The following SHISA5 variants were observed in gnomAD, a reference collection of about 807,000 sequenced individuals.
The protein encoded by SHISA5 is protein shisa-5.
SHISA5 carries 21 observed loss-of-function variants against 27.5 expected under a neutral mutation model. That is an observed-to-expected ratio of 0.76 (90% CI 0.54 to 1.10). The LOEUF is 1.10. Ranked by LOEUF, SHISA5 falls within the 50% of genes least tolerant of loss-of-function variation. SHISA5 has a pLI of 0.00. For synonymous variants in SHISA5, 137 were observed against 142.2 expected (o/e 0.96, Z 0.26); for missense variants, 314 against 336.3 (o/e 0.93, Z 0.52).
intron 1 of SHISA5, chr3:48,503,787 GGACA>G (rs1274055903): frequency 1.2e-5 from 15 of 1,255,800 alleles, no homozygotes; most frequent in Non-Finnish European, 1.5e-5. Context: ...CACCGTTCCA[GGACA>G]GACAAAGGTG....
chr3:48,478,863 A>G (rs1217984071), intron 3 of SHISA5, among the ~76,000 whole-genome samples: 1 of 150,932 alleles, frequency 6.6e-6, no homozygotes, highest in South Asian at 2.1e-4. Context: ...CTTCTCTGTC[A>G]CTCCTGCCCC....
chr3:48,476,492 T>C (rs1174286274), intron 3 of SHISA5, among the ~76,000 whole-genome samples: 1 of 152,212 alleles, frequency 6.6e-6, no homozygotes, highest in Non-Finnish European at 1.5e-5. Flanking sequence ...TGGCTTCTCC[T>C]GAGCTCCTGG....
chr3:48,482,298 AG>A (rs2041050443), intron 2 of SHISA5, among the ~76,000 whole-genome samples: 1 of 150,838 alleles, frequency 6.6e-6, no homozygotes, highest in African/African-American at 2.4e-5. Flanking sequence ...CCAGCTACTC[AG>A]GAGGCTTAGG....
At chr3:48,479,905 GTTT>G (rs35955467) in intron 2 of SHISA5, among the ~76,000 whole-genome samples, 1 of 122,096 alleles carries the variant, frequency 8.2e-6, no homozygotes. Context: ...TTTCCACAAA[GTTT>G]TTTTTTTTTT....
At chr3:48,476,908 C>A in intron 3 of SHISA5, 1 of 357,432 alleles carries the variant, frequency 2.8e-6, no homozygotes, top group South Asian at 2.1e-5. Flanking sequence ...CAGTGCTATG[C>A]ACACCACGGC....
In SHISA5 at chr3:48,473,406, C is replaced by A. The variant is rs1292325645; in HGVS notation, c.315-3563G>T. 5 of 1,313,000 alleles carry A rather than the reference C, an allele frequency of 3.8e-6. No individual in the cohort carries two copies. The African/African-American group carries it at 4.5e-5, about 12-fold the overall frequency. 81.3% of individuals were successfully genotyped at this position (1,313,000 alleles called of 1,614,324 possible). ...CCAACCACACTCTAGCTCAGCAGCA[C>A]CCCCACCCCCACTTCCACCTAACCC... On this transcript the variant is annotated intron_variant, in intron 3 of 5. Coordinates refer to ENST00000296444, the MANE Select transcript of SHISA5 (RefSeq NM_016479.6). The surrounding 1 kb of genome is among the most constrained non-coding windows in gnomAD (Gnocchi z 4.3).
At chr3:48,492,066 T>C (rs2041444818) in intron 2 of SHISA5, among the ~76,000 whole-genome samples, 1 of 143,196 alleles carries the variant, frequency 7.0e-6, no homozygotes. Context: ...CTGGAATGAG[T>C]TAAGACTGCT....
At position 48,504,045 on chromosome 3, in the gene SHISA5, A is replaced by C. The variant is rs915683385; in HGVS notation, c.50T>G (p.Leu17Arg). 5 of 1,462,228 alleles carry C rather than the reference A, an allele frequency of 3.4e-6. No individual in the cohort carries two copies. Among genetic ancestry groups the C allele is most frequent in the South Asian group, 1.3e-5 (1 of 75,530 alleles). The allele number at this position is 1,462,228 out of a possible 1,614,324, so 90.6% of individuals were successfully genotyped here. A position where few individuals can be genotyped will look rare whatever the true frequency, so the allele number is the denominator to read the frequency against. Residue 17 changes from leucine to arginine, a missense_variant, in exon 1 of 6, where the codon CTG (leucine) becomes CGG (arginine). By Grantham distance (102) the Leu-to-Arg change is moderately radical (BLOSUM62 -2). Transcript: ENST00000296444. The surrounding 1 kb of genome is among the most constrained non-coding windows in gnomAD (Gnocchi z 4.0). ...ACCCGGAGGCGGCGTTAGCAGCAGC[A>C]GCAACAGCAACGGCAACAGGATCCG... ...APRILLPLLL[L>R]LLLTPPPGAR... is the part of the protein sequence containing the mutation.
chr3:48,481,476 T>TAAAATAAAATAAAATAAAATAAAA (rs2041011810), intron 2 of SHISA5, among the ~76,000 whole-genome samples: 4 of 150,652 alleles, frequency 2.7e-5, no homozygotes, highest in Non-Finnish European at 4.4e-5. Flanking sequence ...TAAAATAAAC[T>TAAAATAAAATAAAATAAAATAAAA]CAAGATGATT....
Position 48,486,780 on chromosome 3 carries a change from C to T in SHISA5, c.234-7523G>A, listed in dbSNP as rs1406668480. 2.1e-4 allele frequency among the ~76,000 whole-genome samples: 32 copies of T among 149,296 alleles called. 1 individual carries two copies. The highest frequency in any genetic ancestry group is 2.1e-3 in the Admixed American group (31 of 14,770). ...AATAAAAATTTGCCAGGCATGGTGG[C>T]GCATGCCTGTAATCCCTGCAATGCC... On this transcript the variant is annotated intron_variant, in intron 2 of 5. Transcript: ENST00000296444.
chr3:48,496,135 T>G (rs1434724597), intron 2 of SHISA5, among the ~76,000 whole-genome samples: 1 of 106,364 alleles, frequency 9.4e-6, no homozygotes, highest in Non-Finnish European at 1.8e-5. Context: ...AAAAAAAAAA[T>G]GCAAAGATTA....
In SHISA5 at chr3:48,469,982, C is replaced by G; in HGVS notation, c.315-139G>C. 1 of 1,139,074 alleles carries G rather than the reference C, an allele frequency of 8.8e-7. No individual in the cohort carries two copies. The highest frequency in any genetic ancestry group is 1.6e-5 in the African/African-American group (1 of 64,158). 70.6% of individuals were successfully genotyped at this position (1,139,074 alleles called of 1,614,324 possible). On this transcript the variant is annotated intron_variant, in intron 3 of 5. Coordinates refer to ENST00000296444, the MANE Select transcript of SHISA5 (RefSeq NM_016479.6). This position sits in a 1 kb window ranked among gnomAD's most constrained non-coding sequence, Gnocchi z 4.6. ...CTACTTCCTTGTCGGGTGGCCTGCA[C>G]CTGTTTCAATCTGTTTCCTCTTGTG...
At position 48,479,873 on chromosome 3, in the gene SHISA5, T is replaced by G. The variant is rs780811892; in HGVS notation, c.234-616A>C. On this transcript the variant is annotated intron_variant, in intron 2 of 5. Transcript: ENST00000296444. ...CCCAAAGTGCTGGGATTACAGGCGT[T>G]AGCCACCACACCTGGCCTACATTTC... Among the ~76,000 whole-genome samples, 687 of 139,256 alleles carry G rather than the reference T, an allele frequency of 4.9e-3. 2 individuals are homozygous for G. Among genetic ancestry groups the G allele is most frequent in the Middle Eastern group, 9.7e-3 (2 of 206 alleles). 91.4% of individuals were successfully genotyped at this position (139,256 alleles called of 152,430 possible). A position where few individuals can be genotyped will look rare whatever the true frequency, so the allele number is the denominator to read the frequency against.
intron 2 of SHISA5, among the ~76,000 whole-genome samples, chr3:48,486,583 T>G (rs956405928): frequency 7.7e-5 from 10 of 129,898 alleles, no homozygotes; most frequent in South Asian, 2.1e-4. Flanking sequence ...ATATATTATA[T>G]ATTATATATA....
intron 2 of SHISA5, among the ~76,000 whole-genome samples, chr3:48,491,616 C>T (rs1162959387): frequency 6.6e-6 from 1 of 151,982 alleles, no homozygotes; most frequent in African/African-American, 2.4e-5. Context: ...GTTGACAGCA[C>T]CTATCACTTC....
intron 2 of SHISA5, among the ~76,000 whole-genome samples, chr3:48,486,314 T>C (rs1317399083): frequency 6.5e-5 from 6 of 91,722 alleles, no homozygotes; most frequent in Non-Finnish European, 9.3e-5. Flanking sequence ...TTATATAATA[T>C]ATAATACATT....
chr3:48,484,147 G>A (rs755297747), intron 2 of SHISA5, among the ~76,000 whole-genome samples: 11 of 152,312 alleles, frequency 7.2e-5, no homozygotes, highest in Admixed American at 5.2e-4. Flanking sequence ...GTGGGTGATG[G>A]ATGCATTGAG....
rs1166888770 is a variant in SHISA5 at position 48,468,600 on chromosome 3, C to T, written c.*507G>A. ...ATCCCAAGCTTCGCCTGCATCATGT[C>T]CCTGGCTCTGCAACGGGTACCCCCA... On this transcript the variant is annotated 3_prime_UTR_variant, in exon 6 of 6. Transcript: ENST00000296444. 1.7e-6 allele frequency: 2 copies of T among 1,194,368 alleles called. No homozygotes were observed. Among genetic ancestry groups the T allele is most frequent in the African/African-American group, 3.2e-5 (2 of 62,594 alleles). 74.0% of individuals were successfully genotyped at this position (1,194,368 alleles called of 1,614,324 possible).
intron 3 of SHISA5, chr3:48,472,894 C>A (rs1031089946): frequency 3.7e-6 from 4 of 1,082,832 alleles, no homozygotes; most frequent in Non-Finnish European, 5.4e-6. Context: ...AATGGAGAAA[C>A]GCACACACAT....
Sources: allele counts gnomAD v4.1 joint callset (sites outside exome capture counted in the v4.1 genomes callset), GRCh38; gene constraint gnomAD v4.1.1; non-coding constraint Gnocchi (gnomAD v3.1); transcripts MANE v1.5; gene names NCBI Gene and HGNC (gene_info 2026-07-23, HGNC 2026-07-21).